The following DPYD variants were observed in gnomAD, a reference collection of about 807,000 sequenced individuals.
DPYD encodes dihydropyrimidine dehydrogenase.
In DPYD, 109 loss-of-function variants were observed where a neutral mutation model predicts 116.2. That is an observed-to-expected ratio of 0.94 (90% CI 0.80 to 1.10). The LOEUF is 1.10. Among genes scored for constraint, DPYD ranks in the 50% least tolerant of loss-of-function variants. DPYD has a pLI of 0.00. For missense variants in DPYD, 1,302 were observed against 1,254.5 expected, an observed-to-expected ratio of 1.04 and a Z score of -0.57; for synonymous variants, 440 against 432.0, an observed-to-expected ratio of 1.02 and a Z score of -0.23.
At chr1:97,326,899 C>A (rs949484269) in intron 16 of DPYD, among the ~76,000 whole-genome samples, 1 of 151,886 alleles carries the variant, frequency 6.6e-6, no homozygotes, top group Non-Finnish European at 1.5e-5. Context: ...ACAGTTCTCA[C>A]AATTAGAACT....
chr1:97,760,171 A>C (rs1477826724), intron 3 of DPYD, among the ~76,000 whole-genome samples: 1 of 152,168 alleles, frequency 6.6e-6, no homozygotes, highest in Non-Finnish European at 1.5e-5. Context: ...CAGATACCTG[A>C]GAGAGGGTAG....
intron 10 of DPYD, among the ~76,000 whole-genome samples, chr1:97,592,515 C>A (rs1654591531): frequency 6.6e-6 from 1 of 152,068 alleles, no homozygotes; most frequent in Non-Finnish European, 1.5e-5. Context: ...TACAGGCGCC[C>A]ACCACCACGC....
intron 8 of DPYD, among the ~76,000 whole-genome samples, chr1:97,622,691 T>C (rs185898442): frequency 2.0e-4 from 31 of 152,210 alleles, no homozygotes; most frequent in African/African-American, 6.7e-4. Context: ...CGATTCTGTA[T>C]TGTCTCTAAA....
At chr1:97,879,908 G>C (rs537439359) in intron 2 of DPYD, among the ~76,000 whole-genome samples, 11 of 151,888 alleles carry the variant, frequency 7.2e-5, no homozygotes, top group African/African-American at 2.6e-4. Flanking sequence ...GAAGAAGGCA[G>C]ATAGTAAGAG....
intron 16 of DPYD, among the ~76,000 whole-genome samples, chr1:97,344,175 T>C (rs952674997): frequency 3.3e-5 from 5 of 151,540 alleles, no homozygotes; most frequent in Admixed American, 1.3e-4. Context: ...CATTATTTCT[T>C]AAAAATAAAA....
At chr1:97,893,871 T>TG (rs1412224083) in intron 1 of DPYD, among the ~76,000 whole-genome samples, 1 of 151,312 alleles carries the variant, frequency 6.6e-6, no homozygotes. Flanking sequence ...GATCTCTATG[T>TG]GAAAAAAAAA....
chr1:97,746,782 CT>C, intron 3 of DPYD, among the ~76,000 whole-genome samples: 1 of 152,090 alleles, frequency 6.6e-6, no homozygotes, highest in East Asian at 1.9e-4. Context: ...AGCGTCAGTA[CT>C]TAATAATTTC....
intron 3 of DPYD, among the ~76,000 whole-genome samples, chr1:97,764,283 T>C (rs1665731030): frequency 6.6e-6 from 1 of 152,100 alleles, no homozygotes; most frequent in African/African-American, 2.4e-5. Flanking sequence ...CATAAAATTC[T>C]AGCACTAGGA....
intron 18 of DPYD, among the ~76,000 whole-genome samples, chr1:97,269,855 T>A (rs1028218757): frequency 6.6e-6 from 1 of 152,150 alleles, no homozygotes; most frequent in Non-Finnish European, 1.5e-5. Flanking sequence ...CTTCAACATA[T>A]GAACTTTGGA....
intron 3 of DPYD, 128 bp from the exon 4 acceptor site, chr1:97,740,607 C>T: frequency 1.3e-6 from 1 of 785,186 alleles, no homozygotes; most frequent in South Asian, 1.6e-5. Context: ...AGGTACAAAA[C>T]ATTTTTAAGC....
At chr1:97,096,209 A>G (rs756948325) in intron 21 of DPYD, among the ~76,000 whole-genome samples, 1 of 152,026 alleles carries the variant, frequency 6.6e-6, no homozygotes, top group Non-Finnish European at 1.5e-5. Context: ...TTTTTGATTA[A>G]TGATCTACAG....
At chr1:97,533,060 T>C (rs1231941459) in intron 12 of DPYD, among the ~76,000 whole-genome samples, 1 of 152,078 alleles carries the variant, frequency 6.6e-6, no homozygotes, top group East Asian at 1.9e-4. Context: ...TTAAGTTTTT[T>C]TTTATTAGTC....
At chr1:97,288,248 C>T (rs1202563634) in intron 18 of DPYD, among the ~76,000 whole-genome samples, 5 of 146,442 alleles carry the variant, frequency 3.4e-5, no homozygotes, top group Non-Finnish European at 7.5e-5. Flanking sequence ...GAGAATTTAA[C>T]ACCCCACTGT....
chr1:97,364,780 A>T (rs1000476346), intron 16 of DPYD, among the ~76,000 whole-genome samples: 2 of 152,184 alleles, frequency 1.3e-5, no homozygotes, highest in Non-Finnish European at 2.9e-5. Flanking sequence ...TCATGACAAA[A>T]GAGCCTTCAG....
intron 12 of DPYD, among the ~76,000 whole-genome samples, chr1:97,531,622 A>G (rs1200316770): frequency 6.6e-6 from 1 of 152,054 alleles, no homozygotes; most frequent in Non-Finnish European, 1.5e-5. Flanking sequence ...TATTTTGTGG[A>G]TTCATACATA....
At chr1:97,334,590 A>G (rs1669190432) in intron 16 of DPYD, among the ~76,000 whole-genome samples, 1 of 152,212 alleles carries the variant, frequency 6.6e-6, no homozygotes, top group Non-Finnish European at 1.5e-5. Context: ...TATTAATAGA[A>G]GGTGGTATAG....
At chr1:97,172,258 A>T (rs1656775484) in intron 20 of DPYD, among the ~76,000 whole-genome samples, 1 of 152,160 alleles carries the variant, frequency 6.6e-6, no homozygotes, top group Non-Finnish European at 1.5e-5. Context: ...TTAATGAGTA[A>T]AAAATGCTTC....
At chr1:97,125,164 T>C (rs1454027365) in intron 20 of DPYD, among the ~76,000 whole-genome samples, 1 of 152,142 alleles carries the variant, frequency 6.6e-6, no homozygotes, top group Non-Finnish European at 1.5e-5. Context: ...CAGTGGCAAC[T>C]GGATTTTCAG....
chr1:97,774,375 T>C (rs1666292746), intron 3 of DPYD, among the ~76,000 whole-genome samples: 1 of 152,168 alleles, frequency 6.6e-6, no homozygotes, highest in African/African-American at 2.4e-5. Context: ...TCGTCTCTTG[T>C]CTCTCTCTCA....
Sources: gnomAD v4.1 joint callset for allele counts (sites outside exome capture counted in the v4.1 genomes callset) on GRCh38, gnomAD v4.1.1 for gene constraint, MANE v1.5 for transcripts, NCBI Gene and HGNC (gene_info 2026-07-23, HGNC 2026-07-21) for gene names.